PECAM1: variants seen among roughly 807,000 people sequenced by gnomAD.
The protein encoded by PECAM1 is platelet and endothelial cell adhesion molecule 1, also known as platelet endothelial cell adhesion molecule.
PECAM1 carries 8 observed loss-of-function variants against 13.8 expected under a neutral mutation model. The observed-to-expected ratio is 0.58, with a 90% CI of 0.34 to 1.05. The LOEUF is 1.05. Ranked by LOEUF, PECAM1 falls within the 50% of genes least tolerant of loss-of-function variation. The pLI, the probability that PECAM1 is intolerant of heterozygous loss-of-function variation, is 0.03. For synonymous variants in PECAM1, 136 were observed against 52.6 expected (o/e 2.58, Z -6.86); for missense variants, 304 against 141.2 (o/e 2.15, Z -5.84).
intron 14 of PECAM1, among the ~76,000 whole-genome samples, chr17:64,340,818 C>T (rs924769355): frequency 1.3e-5 from 2 of 152,182 alleles, no homozygotes; most frequent in African/African-American, 2.4e-5. Context: ...GCTGAAGCTG[C>T]TGGGCGCGGT....
chr17:64,376,601 A>G (rs2036364958), intron 3 of PECAM1, among the ~76,000 whole-genome samples: 1 of 152,182 alleles, frequency 6.6e-6, no homozygotes, highest in Non-Finnish European at 1.5e-5. Context: ...AATAAACCAA[A>G]CACCATCTCT....
At chr17:64,330,852 T>C (rs989959495) in intron 14 of PECAM1, among the ~76,000 whole-genome samples, 5 of 152,088 alleles carry the variant, frequency 3.3e-5, no homozygotes, top group Non-Finnish European at 1.5e-5. Context: ...CTTAACTTTT[T>C]CATATAACAT....
At chr17:64,352,666 T>C (rs943953659) in intron 10 of PECAM1, among the ~76,000 whole-genome samples, 1 of 152,068 alleles carries the variant, frequency 6.6e-6, no homozygotes, top group African/African-American at 2.4e-5. Flanking sequence ...AAACTTTTTT[T>C]TTTTTTTAGA....
rs2143635320 is a variant in PECAM1 at position 64,319,784 on chromosome 17, C to T, written c.*4032G>A. 6.6e-6 allele frequency: 1 copy of T among 152,298 alleles called. No individual in the cohort carries two copies. Among genetic ancestry groups the T allele is most frequent in the Non-Finnish European group, 1.5e-5 (1 of 68,038 alleles). The allele number at this position is 152,298 out of a possible 1,614,324, so 9.4% of individuals were successfully genotyped here. On this transcript the variant is annotated 3_prime_UTR_variant, in exon 16 of 16. Transcript: ENST00000563924. Reference sequence around the variant, plus strand: ...ATTTTGCCTCTTGGTGCGCATGCTCCAGGCTGCTTGCCCAGCTCCTGAGAT... The same window carrying T: ...ATTTTGCCTCTTGGTGCGCATGCTCTAGGCTGCTTGCCCAGCTCCTGAGAT...
intron 5 of PECAM1, among the ~76,000 whole-genome samples, chr17:64,366,058 T>G (rs1418873996): frequency 2.8e-4 from 42 of 150,612 alleles, no homozygotes; most frequent in Non-Finnish European, 4.9e-4. Context: ...GGGAGAAAAT[T>G]TTTGCAACCT....
rs2143733005 is a variant in PECAM1 at position 64,341,652 on chromosome 17, C to T, written c.2146G>A (p.Val716Ile). 4 of 454,490 alleles carry T rather than the reference C, an allele frequency of 8.8e-6. No individual in the cohort carries two copies. The East Asian group carries it at 1.3e-4, about 15-fold the overall frequency. 28.2% of individuals were successfully genotyped at this position (454,490 alleles called of 1,614,324 possible). ...CACTCACCAGGGACAGCTTTCCGGA[C>T]TTCACTGTACACTGTCTCTGTGTCC... ...KKDTETVYSE[V>I]RKAVPDAVES... The change falls in exon 14 of 16, where the codon GTC (valine) becomes ATC (isoleucine). Residue 716 changes from valine to isoleucine, a missense_variant. Physicochemically the swap from Val to Ile is conservative, Grantham distance 29 (BLOSUM62 3). Transcript: ENST00000563924.
At chr17:64,389,310 G>A (rs2036666634) in intron 2 of PECAM1, among the ~76,000 whole-genome samples, 1 of 152,166 alleles carries the variant, frequency 6.6e-6, no homozygotes, top group South Asian at 2.1e-4. Flanking sequence ...TCTATTCACA[G>A]CCCCGGGACA....
intron 14 of PECAM1, among the ~76,000 whole-genome samples, chr17:64,335,185 T>C (rs2035245233): frequency 6.6e-6 from 1 of 152,022 alleles, no homozygotes; most frequent in Admixed American, 6.6e-5. Context: ...AGCCCATACC[T>C]CATCTCACAG....
At chr17:64,364,646 G>A (rs1207029829) in intron 5 of PECAM1, among the ~76,000 whole-genome samples, 5 of 146,272 alleles carry the variant, frequency 3.4e-5, no homozygotes, top group East Asian at 4.1e-4. Flanking sequence ...CTTCATCCCT[G>A]GGATGCAAGG....
At chr17:64,386,798 A>T (rs2036603231) in intron 2 of PECAM1, among the ~76,000 whole-genome samples, 1 of 152,122 alleles carries the variant, frequency 6.6e-6, no homozygotes, top group Non-Finnish European at 1.5e-5. Context: ...AGAAAAAGAT[A>T]AGGAAGGAAG....
chr17:64,361,491 T>C (rs1232607208), intron 6 of PECAM1, among the ~76,000 whole-genome samples: 8 of 151,516 alleles, frequency 5.3e-5, no homozygotes, highest in African/African-American at 1.9e-4. Flanking sequence ...CGGTGGCTCA[T>C]GCCTGTAATC....
intron 4 of PECAM1, among the ~76,000 whole-genome samples, chr17:64,372,921 C>A (rs2036273538): frequency 1.3e-5 from 2 of 151,142 alleles, no homozygotes; most frequent in African/African-American, 4.8e-5. Context: ...TCAAGACCAG[C>A]CTGACCAACA....
rs909530859 is a variant in PECAM1, at chr17:64,387,939, G to A, written c.91+2550C>T. Among the ~76,000 whole-genome samples, 217 of 152,308 alleles carry A rather than the reference G, an allele frequency of 1.4e-3. 5 individuals are homozygous for A. In the East Asian group the frequency reaches 0.038, roughly 27 times the overall value. On this transcript the variant is annotated intron_variant, in intron 2 of 15. Coordinates refer to ENST00000563924, the MANE Select transcript of PECAM1 (RefSeq NM_000442.5). The stretch of plus-strand genomic sequence containing the variant: ...CGCACTGCAAATGCTGGCCTAGGGG[G>A]CCTAAGGAATGGAGACCTGGTTCCA...
At chr17:64,366,304 C>T (rs1218442203) in intron 5 of PECAM1, among the ~76,000 whole-genome samples, 2 of 151,908 alleles carry the variant, frequency 1.3e-5, no homozygotes, top group Admixed American at 1.3e-4. Context: ...GAATGGCGAT[C>T]ATTAAAAAGT....
rs138571049 is a variant in PECAM1, at chr17:64,329,323, G to C, written c.2187+377C>G. ...CTGCAGCTGATGGCCTGGTGTGTAG[G>C]GGGTAATTAGAATCGGCTAAATTGC... On this transcript the variant is annotated intron_variant, in intron 15 of 15. Transcript: ENST00000563924. 3.4e-3 allele frequency among the ~76,000 whole-genome samples: 516 copies of C among 152,194 alleles called. 1 individual carries two copies. The highest frequency in any genetic ancestry group is 0.012 in the African/African-American group (499 of 41,520).
intron 2 of PECAM1, among the ~76,000 whole-genome samples, chr17:64,386,960 G>A (rs1167579282): frequency 6.6e-6 from 1 of 151,960 alleles, no homozygotes; most frequent in Non-Finnish European, 1.5e-5. Context: ...GGAGGAGGGG[G>A]GAATGTGGAG....
At chr17:64,385,015 C>T (rs1271061340) in intron 2 of PECAM1, among the ~76,000 whole-genome samples, 1 of 152,172 alleles carries the variant, frequency 6.6e-6, no homozygotes, top group Non-Finnish European at 1.5e-5. Flanking sequence ...GGACACAGCC[C>T]CTGGGAGGTG....
chr17:64,348,241 T>G lies in PECAM1; in HGVS notation c.2107+19A>C. 4.2e-6 allele frequency: 2 copies of G among 475,098 alleles called. No individual in the cohort carries two copies. The highest frequency in any genetic ancestry group is 7.7e-6 in the Non-Finnish European group (2 of 258,950). The allele number at this position is 475,098 out of a possible 1,614,324, so 29.4% of individuals were successfully genotyped here. On this transcript the variant is annotated intron_variant, in intron 13 of 15. Coordinates refer to ENST00000563924, the MANE Select transcript of PECAM1 (RefSeq NM_000442.5). Reference sequence around the variant, plus strand: ...CAAGCCAAAGGCAATGCCTGGGGACTCACTCGAGTGGCACTTACCTTTGTG... The same window carrying G: ...CAAGCCAAAGGCAATGCCTGGGGACGCACTCGAGTGGCACTTACCTTTGTG...
At chr17:64,351,157 C>G (rs1440752172) in intron 11 of PECAM1, among the ~76,000 whole-genome samples, 1 of 152,132 alleles carries the variant, frequency 6.6e-6, no homozygotes. Flanking sequence ...AGATTACAGG[C>G]GTGAGCCACC....
Sources: gnomAD v4.1 joint callset for allele counts (sites outside exome capture counted in the v4.1 genomes callset) on GRCh38, gnomAD v4.1.1 for gene constraint, MANE v1.5 for transcripts, NCBI Gene and HGNC (gene_info 2026-07-23, HGNC 2026-07-21) for gene names.